CHODL: variants seen among roughly 807,000 people sequenced by gnomAD.
CHODL encodes the protein transmembrane protein MT75.
In CHODL, 29 loss-of-function variants were observed where a neutral mutation model predicts 34.5. That is an observed-to-expected ratio of 0.84 (90% confidence interval 0.63 to 1.15). CHODL has a LOEUF of 1.15. CHODL is among the 50% of genes most tolerant of loss of function. The pLI is 0.00. For missense variants in CHODL, 332 were observed against 332.5 expected (o/e 1.00, Z 0.01); for synonymous variants, 125 against 116.1 (o/e 1.08, Z -0.49).
chr21:18,237,430 C>T (rs2074038656), intron 2 of CHODL, among the ~76,000 whole-genome samples: 1 of 152,104 alleles, frequency 6.6e-6, no homozygotes. Context: ...GAAAACCTCC[C>T]CCTTTGCAAG....
At chr21:18,222,439 T>A (rs1461721416) in intron 2 of CHODL, among the ~76,000 whole-genome samples, 1 of 152,064 alleles carries the variant, frequency 6.6e-6, no homozygotes, top group Non-Finnish European at 1.5e-5. Context: ...CACTGAAAGG[T>A]GGGAACCTGC....
chr21:18,185,078 G>T (rs898728037), intron 2 of CHODL, among the ~76,000 whole-genome samples: 3 of 151,870 alleles, frequency 2.0e-5, no homozygotes, highest in Admixed American at 6.6e-5. Context: ...GAACGTGCAG[G>T]TTTGTTACAT....
At position 18,266,010 on chromosome 21, in the gene CHODL, C is replaced by G. The variant is rs375116292; in HGVS notation, c.794C>G (p.Thr265Ser). 3.4e-4 allele frequency: 555 copies of G among 1,613,028 alleles called. 8 individuals are homozygous for G. In the South Asian group the frequency reaches 5.6e-3, roughly 16 times the overall value. ...NQSTLWISKS[T>S]RKESGMEV The stretch of plus-strand genomic sequence containing the variant: ...TCTACACTGTGGATTTCAAAGAGTA[C>G]CAGAAAAGAAAGTGGCATGGAAGTA... Residue 265 changes from threonine (T) to serine (S), a missense_variant, in exon 6 of 6, where the codon ACC becomes AGC. Coordinates refer to ENST00000299295, the MANE Select transcript of CHODL (RefSeq NM_024944.3).
chr21:18,027,608 A>T (rs2064189924), intron 1 of CHODL, among the ~76,000 whole-genome samples: 1 of 152,090 alleles, frequency 6.6e-6, no homozygotes, highest in African/African-American at 2.4e-5. Context: ...AATATTAAGC[A>T]CTTCTCTGTT....
At chr21:18,158,812 T>C (rs772934159) in intron 2 of CHODL, among the ~76,000 whole-genome samples, 49 of 129,992 alleles carry the variant, frequency 3.8e-4, no homozygotes, top group Non-Finnish European at 6.4e-4. Flanking sequence ...TACTCCAGCC[T>C]GGGCAACGAG....
chr21:18,146,955 G>T (rs1242136188), intron 2 of CHODL, among the ~76,000 whole-genome samples: 2 of 152,080 alleles, frequency 1.3e-5, no homozygotes, highest in Non-Finnish European at 2.9e-5. Flanking sequence ...CTTGGAAGAG[G>T]GTGAAAAGTG....
intron 2 of CHODL, among the ~76,000 whole-genome samples, chr21:18,144,347 C>T (rs533769410): frequency 6.6e-6 from 1 of 152,192 alleles, no homozygotes; most frequent in South Asian, 2.1e-4. Context: ...TGTTAGGGTA[C>T]AACAATAAGG....
In CHODL at chr21:18,013,056, C is replaced by T. The variant is rs527246217; in HGVS notation, c.-144-14816C>T. Among the ~76,000 whole-genome samples the T allele has an allele frequency of 4.6e-5, 7 of 152,234 alleles. No individual in the cohort carries two copies. The South Asian group carries it at 6.2e-4, about 14-fold the overall frequency. ...TGGATCATAAACATACCAGTAACTACGTGGGAATCTGATTGGCTTTTAAAA... is the reference window on the plus strand; with the variant it reads ...TGGATCATAAACATACCAGTAACTATGTGGGAATCTGATTGGCTTTTAAAA... On this transcript the variant is annotated intron_variant, in intron 1 of 6. Coordinates refer to the CHODL transcript ENST00000400127.
At chr21:18,073,666 T>C (rs906592489) in intron 2 of CHODL, among the ~76,000 whole-genome samples, 2 of 151,896 alleles carry the variant, frequency 1.3e-5, no homozygotes, top group African/African-American at 4.8e-5. Flanking sequence ...TTTCAGTTCA[T>C]TTTTTTTCTA....
At chr21:17,925,111 G>T (rs553293550) in intron 1 of CHODL, among the ~76,000 whole-genome samples, 1 of 152,218 alleles carries the variant, frequency 6.6e-6, no homozygotes, top group East Asian at 1.9e-4. Context: ...ACTAGTGGCC[G>T]TGTGGGGTGG....
chr21:18,231,319 G>T lies in CHODL; in HGVS notation c.-44-25190G>T, dbSNP rs8134630. On this transcript the variant is annotated intron_variant, in intron 2 of 6. Coordinates refer to the CHODL transcript ENST00000400127. ...ACTGCTCAGAGAGTGTCCTGCAGTC[G>T]CCTATTTATTTTATAACCTATTCAG... 5.9e-3 allele frequency among the ~76,000 whole-genome samples: 892 copies of T among 152,212 alleles called. 9 individuals are homozygous for T. Among genetic ancestry groups the T allele is most frequent in the African/African-American group, 0.02 (851 of 41,544 alleles).
At chr21:18,263,889 C>T (rs192492230) in intron 5 of CHODL, among the ~76,000 whole-genome samples, 1 of 150,016 alleles carries the variant, frequency 6.7e-6, no homozygotes, top group East Asian at 1.9e-4. Flanking sequence ...ACACAAAAGC[C>T]ACATTAATAA....
intron 1 of CHODL, among the ~76,000 whole-genome samples, chr21:17,922,217 A>C (rs1288879817): frequency 6.6e-6 from 1 of 152,196 alleles, no homozygotes. Context: ...CTAAAAAAAA[A>C]AAAACACTGT....
At chr21:17,998,946 C>T (rs975008249) in intron 1 of CHODL, among the ~76,000 whole-genome samples, 1 of 152,210 alleles carries the variant, frequency 6.6e-6, no homozygotes, top group African/African-American at 2.4e-5. Flanking sequence ...CTGCAGCCGG[C>T]TTGAATTTCT....
chr21:18,212,534 T>A (rs904029294), intron 2 of CHODL, among the ~76,000 whole-genome samples: 4 of 150,964 alleles, frequency 2.6e-5, no homozygotes, highest in Non-Finnish European at 4.4e-5. Context: ...GCTTTGGGTG[T>A]TTTCATTGGA....
chr21:18,084,111 A>G (rs1213030793), intron 2 of CHODL, among the ~76,000 whole-genome samples: 2 of 152,178 alleles, frequency 1.3e-5, no homozygotes, highest in African/African-American at 4.8e-5. Context: ...TGTTCTTGTG[A>G]TAATGAGTGA....
chr21:18,001,825 C>G (rs987172334), intron 1 of CHODL, among the ~76,000 whole-genome samples: 1 of 146,008 alleles, frequency 6.8e-6, no homozygotes. Flanking sequence ...TACCATAGTC[C>G]ATGTCGTCAC....
At chr21:18,166,967 A>G (rs958246138) in intron 2 of CHODL, among the ~76,000 whole-genome samples, 1 of 152,134 alleles carries the variant, frequency 6.6e-6, no homozygotes, top group Non-Finnish European at 1.5e-5. Flanking sequence ...TAAGCCTAGT[A>G]ATTCTGTGGA....
At chr21:17,935,708 A>G (rs1486981683) in intron 1 of CHODL, among the ~76,000 whole-genome samples, 1 of 152,248 alleles carries the variant, frequency 6.6e-6, no homozygotes, top group Non-Finnish European at 1.5e-5. Context: ...TTAAATCTCT[A>G]AAGAGTGTAG....
Sources: allele counts gnomAD v4.1 joint callset (sites outside exome capture counted in the v4.1 genomes callset), GRCh38; gene constraint gnomAD v4.1.1; transcripts MANE v1.5; gene names NCBI Gene and HGNC (gene_info 2026-07-23, HGNC 2026-07-21).